SLC9A3: variants seen among roughly 807,000 people sequenced by gnomAD.
The protein encoded by SLC9A3 is solute carrier family 9 member A3, also known as sodium/hydrogen exchanger 3.
A neutral mutation model predicts 86.8 loss-of-function variants in SLC9A3; 37 were observed. The observed-to-expected ratio is 0.43, with a 90% CI of 0.33 to 0.56. The LOEUF (loss-of-function observed/expected upper bound fraction) is 0.56, where lower values mean the gene tolerates loss of function less well. Ranked by LOEUF, SLC9A3 falls within the 20% of genes least tolerant of loss-of-function variation. The pLI, the probability that SLC9A3 is intolerant of heterozygous loss-of-function variation, is 0.06. For missense variants in SLC9A3, 1,011 were observed against 1,171.9 expected, an observed-to-expected ratio of 0.86 and a Z score of 2.00; for synonymous variants, 581 against 528.3, an observed-to-expected ratio of 1.10 and a Z score of -1.37.
chr5:517,378 C>A (rs1230794915), intron 1 of SLC9A3, among the ~76,000 whole-genome samples: 1 of 152,020 alleles, frequency 6.6e-6, no homozygotes, highest in African/African-American at 2.4e-5. Flanking sequence ...TCCATCCATC[C>A]ATTCACTTAT....
chr5:491,980 C>G lies in SLC9A3; in HGVS notation c.303G>C (p.Ala101=), dbSNP rs375973207. 2 of 1,604,368 alleles carry G rather than the reference C, an allele frequency of 1.2e-6. No individual in the cohort carries two copies. The highest frequency in any genetic ancestry group is 1.7e-6 in the Non-Finnish European group (2 of 1,176,212). ...LGLVLGGIVW[A]ADHIASFTLT... ...GTGTGAAGGACGCGATGTGGTCGGCCGCCCAGACGATGCCGCCCAGCACCA... is the reference window on the plus strand; with the variant it reads ...GTGTGAAGGACGCGATGTGGTCGGCGGCCCAGACGATGCCGCCCAGCACCA... Residue 101 remains alanine (A), a synonymous_variant, in exon 2 of 17, where the codon GCG becomes GCC. Coordinates refer to ENST00000264938, the MANE Select transcript of SLC9A3 (RefSeq NM_004174.4). This position sits in a 1 kb window ranked among gnomAD's most constrained non-coding sequence, Gnocchi z 9.2.
intron 1 of SLC9A3, among the ~76,000 whole-genome samples, chr5:518,577 G>C (rs1301622569): frequency 6.6e-6 from 1 of 152,230 alleles, no homozygotes; most frequent in African/African-American, 2.4e-5. Flanking sequence ...ACTCCTGGTT[G>C]TGGGACTCAG....
At position 471,817 on chromosome 5, in the gene SLC9A3, C is replaced by T. The variant is rs1370020490; in HGVS notation, c.*1562G>A. 20 of 456,442 alleles carry T rather than the reference C, an allele frequency of 4.4e-5. No individual in the cohort carries two copies. Among genetic ancestry groups the T allele is most frequent in the Non-Finnish European group, 8.8e-5 (20 of 226,962 alleles). The allele number at this position is 456,442 out of a possible 1,614,324, so 28.3% of individuals were successfully genotyped here. ...GTCATGCAGGCTTTTGTGTGGCTGA[C>T]GCTTCCCTTTTTCACAACAGTAAAA... On this transcript the variant is annotated 3_prime_UTR_variant, in exon 17 of 17. Coordinates refer to ENST00000264938, the MANE Select transcript of SLC9A3 (RefSeq NM_004174.4).
chr5:506,494 A>T (rs1057456086), intron 1 of SLC9A3, among the ~76,000 whole-genome samples: 1 of 152,120 alleles, frequency 6.6e-6, no homozygotes, highest in African/African-American at 2.4e-5. Context: ...CTGTGGGGCC[A>T]CCCTGCCAAG....
intron 6 of SLC9A3, 140 bp downstream of exon 6, chr5:483,122 G>A: frequency 1.5e-6 from 1 of 680,356 alleles, no homozygotes; most frequent in Non-Finnish European, 2.5e-6. Context: ...CAGCCCCGAG[G>A]CCGCCACCAT....
At chr5:517,997 G>T (rs563073839) in intron 1 of SLC9A3, among the ~76,000 whole-genome samples, 2 of 150,326 alleles carry the variant, frequency 1.3e-5, no homozygotes, top group African/African-American at 2.5e-5. Context: ...ATCAATCCAC[G>T]CATCCATCCA....
intron 1 of SLC9A3, among the ~76,000 whole-genome samples, chr5:508,029 AC>A (rs1004300321): frequency 5.9e-5 from 9 of 151,638 alleles, no homozygotes; most frequent in African/African-American, 2.2e-4. Flanking sequence ...CCAAATGCCC[AC>A]CCACACCCAT....
rs1733980567 is a variant in SLC9A3, at chr5:524,448, C to A, written c.-126G>T. On this transcript the variant is annotated 5_prime_UTR_variant, in exon 1 of 17. Coordinates refer to ENST00000264938, the MANE Select transcript of SLC9A3 (RefSeq NM_004174.4). ...CTCCGGTGCCGGTACCGGCTACAGT[C>A]CGATCCCCGCCCGCCGGGGTGGCCT... 1 of 283,012 alleles carries A rather than the reference C, an allele frequency of 3.5e-6. No homozygotes were observed. 17.5% of individuals were successfully genotyped at this position (283,012 alleles called of 1,614,324 possible).
intron 1 of SLC9A3, among the ~76,000 whole-genome samples, chr5:494,988 G>A (rs916070810): frequency 1.3e-5 from 2 of 152,138 alleles, no homozygotes; most frequent in Non-Finnish European, 2.9e-5. Context: ...GTCCAATAGC[G>A]CTTGTGGAGC....
chr5:476,034 G>A lies in SLC9A3; in HGVS notation c.2126C>T (p.Thr709Ile), dbSNP rs777482477. Residue 709 changes from threonine to isoleucine, a missense_variant, in exon 14 of 17, where the codon ACC (threonine) becomes ATC (isoleucine). Coordinates refer to ENST00000264938, the MANE Select transcript of SLC9A3 (RefSeq NM_004174.4). ...CCCCAGCGCACCTTTCTCCTTGATG[G>A]TGAAATTCTGCGCAGGGCTCTCCAT... ...LPMESPAQNF[T>I]IKEKDLELSD... 1 of 1,612,672 alleles carries A rather than the reference G, an allele frequency of 6.2e-7. No individual in the cohort carries two copies. Among genetic ancestry groups the A allele is most frequent in the Admixed American group, 1.7e-5 (1 of 59,922 alleles).
chr5:523,156 C>T (rs1234611317), intron 1 of SLC9A3, among the ~76,000 whole-genome samples: 1 of 152,170 alleles, frequency 6.6e-6, no homozygotes, highest in Non-Finnish European at 1.5e-5. Flanking sequence ...GGGCAGGCGG[C>T]AGGCGTCACT....
intron 1 of SLC9A3, among the ~76,000 whole-genome samples, chr5:517,754 T>G (rs906860222): frequency 6.7e-6 from 1 of 149,172 alleles, no homozygotes; most frequent in African/African-American, 2.5e-5. Flanking sequence ...CACCCATCCA[T>G]CCATCCATCC....
In SLC9A3 at chr5:471,925, C is replaced by CT. The variant is rs1303938311; in HGVS notation, c.*1453dup. ...TGCAATATTCAGTCAACATAAAACT[C>CT]TTTAAGAACTCCTCCTGACTGGTGA... On this transcript the variant is annotated 3_prime_UTR_variant, in exon 17 of 17. Transcript: ENST00000264938. 4.2e-5 allele frequency: 19 copies of CT among 456,554 alleles called. No homozygotes were observed. Among genetic ancestry groups the CT allele is most frequent in the African/African-American group, 2.6e-4 (13 of 50,086 alleles). 28.3% of individuals were successfully genotyped at this position (456,554 alleles called of 1,614,324 possible).
intron 9 of SLC9A3, 71 bp downstream of exon 9, chr5:481,494 G>T: frequency 7.7e-7 from 1 of 1,296,064 alleles, no homozygotes; most frequent in South Asian, 1.2e-5. Flanking sequence ...GTGGCTTCTG[G>T]TTCTTCCGAG....
intron 16 of SLC9A3, among the ~76,000 whole-genome samples, 194 bp from the exon 17 acceptor site, chr5:473,576 G>A (rs951378713): frequency 1.2e-4 from 18 of 152,156 alleles, no homozygotes; most frequent in African/African-American, 3.9e-4. Flanking sequence ...CAGCAACAGC[G>A]AAGCCCCAGC....
In SLC9A3 at chr5:470,995, A is replaced by G. The variant is rs1261250211; in HGVS notation, c.*2384T>C. 6.6e-6 allele frequency: 1 copy of G among 152,452 alleles called. No homozygotes were observed. Among genetic ancestry groups the G allele is most frequent in the East Asian group, 1.9e-4 (1 of 5,334 alleles). 9.4% of individuals were successfully genotyped at this position (152,452 alleles called of 1,614,324 possible). On this transcript the variant is annotated 3_prime_UTR_variant, in exon 17 of 17. Transcript: ENST00000264938. ...CACTCATGACGAGTCCCTAGCACTC[A>G]GCCCCTGGCACCCACAGCCCCGGCG...
At chr5:475,886 T>G in intron 14 of SLC9A3, 134 bp downstream of exon 14, 1 of 813,190 alleles carries the variant, frequency 1.2e-6, no homozygotes. Context: ...GCCCTGACCA[T>G]GCCTCCCCTG....
At position 485,707 on chromosome 5, in the gene SLC9A3, GGT is replaced by G. The variant is rs1205415614; in HGVS notation, c.676-478_676-477del. ...CCACGCCCAGCAAAGTGGTGACGCA[GGT>G]GAGACCGGCCGAGGGCCGTCCTGGG... On this transcript the variant is annotated intron_variant, in intron 3 of 16. Coordinates refer to ENST00000264938, the MANE Select transcript of SLC9A3 (RefSeq NM_004174.4). Among the ~76,000 whole-genome samples, 8 of 152,276 alleles carry G rather than the reference GGT, an allele frequency of 5.3e-5. No homozygotes were observed. The East Asian group carries it at 1.5e-3, about 29-fold the overall frequency.
At position 482,102 on chromosome 5, in the gene SLC9A3, C is replaced by T. The variant is rs757358437; in HGVS notation, c.1412G>A (p.Arg471Gln). Residue 471 changes from arginine (R) to glutamine (Q), a missense_variant, in exon 8 of 17, where the codon CGG (arginine) becomes CAG (glutamine). Physicochemically the swap from Arg to Gln is conservative, Grantham distance 43. Transcript: ENST00000264938. ...QWLKVKRSEH[R>Q]EPRLNEKLHG... ...CAGCTTCTCGTTGAGCCGAGGTTCCCGGTGCTCGCTCCTCTTCACCTTCAG... is the reference window on the plus strand; with the variant it reads ...CAGCTTCTCGTTGAGCCGAGGTTCCTGGTGCTCGCTCCTCTTCACCTTCAG... The T allele has an allele frequency of 8.7e-6, 14 of 1,608,328 alleles. No individual in the cohort carries two copies. Among genetic ancestry groups the T allele is most frequent in the African/African-American group, 2.7e-5 (2 of 73,590 alleles).
Sources: allele counts gnomAD v4.1 joint callset (sites outside exome capture counted in the v4.1 genomes callset), GRCh38; gene constraint gnomAD v4.1.1; non-coding constraint Gnocchi (gnomAD v3.1); transcripts MANE v1.5; gene names NCBI Gene and HGNC (gene_info 2026-07-23, HGNC 2026-07-21).